Variants in BORCS5 observed in about 807,000 individuals in gnomAD.
BORCS5 encodes BLOC-1 related complex subunit 5, also known as BLOC-1-related complex subunit 5.
BORCS5 carries 17 observed loss-of-function variants against 22.1 expected under a neutral mutation model. That is an observed-to-expected ratio of 0.77 (90% confidence interval 0.53 to 1.15). The LOEUF (loss-of-function observed/expected upper bound fraction) is 1.15. Among genes scored for constraint, BORCS5 ranks in the 50% most tolerant of loss-of-function variants. BORCS5 has a pLI of 0.00. For synonymous variants in BORCS5, 117 were observed against 99.8 expected (o/e 1.17, Z -1.03); for missense variants, 247 against 253.2 (o/e 0.98, Z 0.17).
chr12:12,421,393 A>G lies in BORCS5; in HGVS notation c.203-14235A>G, dbSNP rs549570764. 7.9e-5 allele frequency among the ~76,000 whole-genome samples: 12 copies of G among 152,296 alleles called. No individual in the cohort carries two copies. The East Asian group carries it at 2.3e-3, about 29-fold the overall frequency. ...GTTGAACCAGCCTTGCATCCCAGGG[A>G]TGAAGCCGACTTGATCGTGGTAGGT... On this transcript the variant is annotated intron_variant, in intron 2 of 3. Transcript: ENST00000314565.
chr12:12,462,787 G>T (rs1943133122), intron 3 of BORCS5, among the ~76,000 whole-genome samples: 1 of 152,120 alleles, frequency 6.6e-6, no homozygotes, highest in Non-Finnish European at 1.5e-5. Flanking sequence ...CTCCCAAGTA[G>T]TTGGGACTAT....
chr12:12,418,241 G>A (rs980423736), intron 2 of BORCS5, among the ~76,000 whole-genome samples: 17 of 147,770 alleles, frequency 1.2e-4, no homozygotes, highest in African/African-American at 4.0e-4. Flanking sequence ...GGGTTTCACT[G>A]TGTTGCCAGG....
intron 2 of BORCS5, among the ~76,000 whole-genome samples, chr12:12,372,545 T>A (rs1863554385): frequency 6.6e-6 from 1 of 152,124 alleles, no homozygotes; most frequent in Non-Finnish European, 1.5e-5. Flanking sequence ...GATACCAGAC[T>A]TTATTCTGGC....
intron 2 of BORCS5, among the ~76,000 whole-genome samples, chr12:12,411,522 T>C (rs1941731955): frequency 6.6e-6 from 1 of 152,148 alleles, no homozygotes; most frequent in African/African-American, 2.4e-5. Flanking sequence ...TATAATAAAA[T>C]ATACATGATT....
intron 2 of BORCS5, among the ~76,000 whole-genome samples, chr12:12,364,726 G>A (rs1359734821): frequency 6.6e-6 from 1 of 152,234 alleles, no homozygotes; most frequent in Non-Finnish European, 1.5e-5. Flanking sequence ...TAGCACTTTG[G>A]AAGGCCAAGG....
At chr12:12,428,102 C>T (rs138730581) in intron 2 of BORCS5, among the ~76,000 whole-genome samples, 225 of 152,268 alleles carry the variant, frequency 1.5e-3, no homozygotes, top group African/African-American at 5.1e-3. Context: ...AAATGGAGCT[C>T]GTTATGTGTC....
In BORCS5 at chr12:12,471,015, A is replaced by G. The variant is rs1304638231; in HGVS notation, c.*5239A>G. On this transcript the variant is annotated 3_prime_UTR_variant, in exon 4 of 4. Coordinates refer to ENST00000314565, the MANE Select transcript of BORCS5 (RefSeq NM_058169.6). ...TCATTCTGGTCTTTGGAATTGTCAT[A>G]ATTCTGACAGAGAACACAGACCATT... 6.6e-6 allele frequency among the ~76,000 whole-genome samples: 1 copy of G among 152,158 alleles called. No individual in the cohort carries two copies. Among genetic ancestry groups the G allele is most frequent in the Non-Finnish European group, 1.5e-5 (1 of 68,028 alleles).
At chr12:12,388,498 CATT>C (rs1271785971) in intron 2 of BORCS5, among the ~76,000 whole-genome samples, 1 of 151,398 alleles carries the variant, frequency 6.6e-6, no homozygotes, top group African/African-American at 2.4e-5. Flanking sequence ...AGATAAATCT[CATT>C]ATAATATCCA....
At chr12:12,454,948 C>T (rs988678295) in intron 3 of BORCS5, among the ~76,000 whole-genome samples, 3 of 152,170 alleles carry the variant, frequency 2.0e-5, no homozygotes, top group African/African-American at 7.2e-5. Flanking sequence ...TTCTGACTTA[C>T]TTTGTTAATG....
chr12:12,412,560 C>T (rs1031675606), intron 2 of BORCS5, among the ~76,000 whole-genome samples: 5 of 152,092 alleles, frequency 3.3e-5, no homozygotes, highest in African/African-American at 4.8e-5. Context: ...TCATATCATC[C>T]GTGAACAGAC....
chr12:12,438,951 A>C (rs1004394231), intron 3 of BORCS5, among the ~76,000 whole-genome samples: 3 of 152,240 alleles, frequency 2.0e-5, no homozygotes, highest in African/African-American at 7.2e-5. Context: ...CTTCCCCTAA[A>C]GTTAACACTT....
intron 2 of BORCS5, among the ~76,000 whole-genome samples, chr12:12,402,748 T>C (rs539190370): frequency 6.6e-6 from 1 of 152,218 alleles, no homozygotes; most frequent in Non-Finnish European, 1.5e-5. Context: ...AACAAAAGTC[T>C]CCCTAAAAAT....
At chr12:12,360,187 C>A (rs1057349500) in intron 1 of BORCS5, among the ~76,000 whole-genome samples, 7 of 151,960 alleles carry the variant, frequency 4.6e-5, no homozygotes, top group Non-Finnish European at 8.8e-5. Context: ...TATGGTGAAA[C>A]CCCATCTCTA....
chr12:12,430,885 C>T lies in BORCS5; in HGVS notation c.203-4743C>T, dbSNP rs183329816. ...ATTTTATCTTATGGAGGTTTTTTTC[C>T]ATGTAAGTACATAGAGAGCGCCCTC... On this transcript the variant is annotated intron_variant, in intron 2 of 3. Coordinates refer to ENST00000314565, the MANE Select transcript of BORCS5 (RefSeq NM_058169.6). 2.6e-3 allele frequency among the ~76,000 whole-genome samples: 394 copies of T among 152,074 alleles called. 2 individuals carry two copies. The highest frequency in any genetic ancestry group is 8.7e-3 in the African/African-American group (361 of 41,488).
At chr12:12,438,477 G>T (rs182947081) in intron 3 of BORCS5, among the ~76,000 whole-genome samples, 130 of 151,996 alleles carry the variant, frequency 8.6e-4, no homozygotes, top group African/African-American at 3.0e-3. Flanking sequence ...CTATATCAGA[G>T]AGCTGGGGAA....
chr12:12,445,880 G>A lies in BORCS5; in HGVS notation c.360+10095G>A, dbSNP rs571634559. Among the ~76,000 whole-genome samples the A allele has an allele frequency of 6.7e-5, 10 of 149,148 alleles. No individual in the cohort carries two copies. In the South Asian group the frequency reaches 2.1e-3, roughly 31 times the overall value. ...ACTGACCTTGAACTCCTGGCCTCAAGCAGTCCTCCCACAATGGCCTCCCAA... is the reference window on the plus strand; with the variant it reads ...ACTGACCTTGAACTCCTGGCCTCAAACAGTCCTCCCACAATGGCCTCCCAA... On this transcript the variant is annotated intron_variant, in intron 3 of 3. Coordinates refer to ENST00000314565, the MANE Select transcript of BORCS5 (RefSeq NM_058169.6).
At chr12:12,447,846 T>C (rs1351097968) in intron 3 of BORCS5, among the ~76,000 whole-genome samples, 1 of 152,194 alleles carries the variant, frequency 6.6e-6, no homozygotes, top group Non-Finnish European at 1.5e-5. Context: ...TTACCTCTCT[T>C]TAATTCTGGA....
chr12:12,466,417 A>G lies in BORCS5; in HGVS notation c.*641A>G, dbSNP rs976717412. ...CCACACCCTCATCAGATTCATCTCC[A>G]CTGATAACCGGTTTCCTTGATGCAG... On this transcript the variant is annotated 3_prime_UTR_variant, in exon 4 of 4. Transcript: ENST00000314565. The G allele has an allele frequency of 7.2e-5, 11 of 152,216 alleles. No homozygotes were observed. The East Asian group carries it at 2.1e-3, about 29-fold the overall frequency. The allele number at this position is 152,216 out of a possible 1,614,324, so 9.4% of individuals were successfully genotyped here. A position where few individuals can be genotyped will look rare whatever the true frequency, so the allele number is the denominator to read the frequency against.
At chr12:12,430,809 C>T (rs1942404474) in intron 2 of BORCS5, among the ~76,000 whole-genome samples, 1 of 152,122 alleles carries the variant, frequency 6.6e-6, no homozygotes, top group African/African-American at 2.4e-5. Context: ...ACCCCAACCC[C>T]CATTTTTATG....
Sources: gnomAD v4.1 joint callset for allele counts (sites outside exome capture counted in the v4.1 genomes callset) on GRCh38, gnomAD v4.1.1 for gene constraint, MANE v1.5 for transcripts, NCBI Gene and HGNC (gene_info 2026-07-23, HGNC 2026-07-21) for gene names.